Variants in RRBP1 observed in about 807,000 individuals in gnomAD.
RRBP1 encodes ribosome-binding protein 1.
RRBP1 carries 94 observed loss-of-function variants against 165.2 expected under a neutral mutation model. The ratio of observed to expected loss-of-function variants is 0.57; its 90% CI spans 0.48 to 0.68. The LOEUF is 0.68. Among genes scored for constraint, RRBP1 ranks in the 30% least tolerant of loss-of-function variants. The pLI is 0.00. For synonymous variants in RRBP1, 680 were observed against 714.5 expected (o/e 0.95, Z 0.77); for missense variants, 1,676 against 1,763.0 (o/e 0.95, Z 0.88).
At chr20:17,675,795 T>A (rs1363002507) in intron 2 of RRBP1, among the ~76,000 whole-genome samples, 1 of 152,182 alleles carries the variant, frequency 6.6e-6, no homozygotes, top group East Asian at 1.9e-4. Flanking sequence ...CTGGAGACCT[T>A]GACCAAGGAG....
Position 17,660,267 on chromosome 20 carries a change from C to T in RRBP1, c.241G>A (p.Gly81Arg). Residue 81 changes from glycine (G) to arginine (R), a missense_variant, in exon 3 of 25, where the codon GGG (glycine) becomes AGG (arginine). Around this residue, in one of 5 missense-constraint regions of RRBP1, gnomAD observed 392 missense variants for 382.5 expected, o/e 1.02. Transcript: ENST00000377813. ...KTKKKEEKPNGKIPDHDPAPN... is the reference protein window; with the variant it reads ...KTKKKEEKPNRKIPDHDPAPN... Reference sequence around the variant, plus strand: ...GCTGGATCATGATCAGGTATCTTCCCATTAGGTTTCTCTTCCTTTTTCTTG... The same window carrying T: ...GCTGGATCATGATCAGGTATCTTCCTATTAGGTTTCTCTTCCTTTTTCTTG... The T allele has an allele frequency of 3.1e-6, 5 of 1,608,400 alleles. No individual in the cohort carries two copies. The highest frequency in any genetic ancestry group is 4.2e-6 in the Non-Finnish European group (5 of 1,176,916).
intron 3 of RRBP1, among the ~76,000 whole-genome samples, chr20:17,655,603 G>A (rs2036632161): frequency 6.6e-6 from 1 of 152,090 alleles, no homozygotes; most frequent in Admixed American, 6.5e-5. Flanking sequence ...AGGCCCTTGG[G>A]GTGGTCCGAG....
Position 17,629,866 on chromosome 20 carries a change from C to T in RRBP1, c.2706G>A (p.Arg902=), listed in dbSNP as rs1229750068. The T allele has an allele frequency of 3.1e-6, 5 of 1,599,994 alleles. No homozygotes were observed. Among genetic ancestry groups the T allele is most frequent in the Admixed American group, 1.7e-5 (1 of 59,958 alleles). Residue 902 remains arginine, a synonymous_variant, in exon 9 of 25, where the codon CGG becomes CGA. Coordinates refer to ENST00000377813, the MANE Select transcript of RRBP1 (RefSeq NM_001365613.2). The part of the protein sequence containing the change: ...CHTQSSHASL[R]ADAEKAQEQQ... ...GCTCCTGGGCCTTCTCGGCATCCGC[C>T]CGGAGGCTGGCGTGGCTGCTCTGCG... is the stretch of plus-strand genomic sequence containing the variant.
intron 3 of RRBP1, among the ~76,000 whole-genome samples, chr20:17,644,621 C>G (rs1254500973): frequency 6.6e-6 from 1 of 152,202 alleles, no homozygotes; most frequent in East Asian, 1.9e-4. Context: ...CAGCCGGCGT[C>G]TAGCTGCTGG....
chr20:17,615,536 G>C lies in RRBP1; in HGVS notation c.3952-7C>G, dbSNP rs747718621. On this transcript the variant is annotated splice_polypyrimidine_tract_variant and splice_region_variant and intron_variant, in intron 22 of 24. Transcript: ENST00000377813. ...GACATGCCGAGGTCTGAGCCTTGCCGGAGAGGGAAGTGAGGTCTGGGTGAG... is the reference window on the plus strand; with the variant it reads ...GACATGCCGAGGTCTGAGCCTTGCCCGAGAGGGAAGTGAGGTCTGGGTGAG... The C allele has an allele frequency of 6.3e-7, 1 of 1,598,234 alleles. No homozygotes were observed. The highest frequency in any genetic ancestry group is 1.4e-5 in the African/African-American group (1 of 74,006).
At chr20:17,654,179 C>T (rs1192687894) in intron 3 of RRBP1, among the ~76,000 whole-genome samples, 1 of 152,190 alleles carries the variant, frequency 6.6e-6, no homozygotes, top group Non-Finnish European at 1.5e-5. Context: ...GGGCCGGCAC[C>T]CTCCCTTCAC....
Position 17,618,681 on chromosome 20 carries a change from T to C in RRBP1, c.3676-2A>G, listed in dbSNP as rs112901176. The C allele has an allele frequency of 4.3e-6, 7 of 1,613,042 alleles. No individual in the cohort carries two copies. The highest frequency in any genetic ancestry group is 1.3e-5 in the African/African-American group (1 of 74,874). On this transcript the variant is annotated splice_acceptor_variant, in intron 19 of 24. Coordinates refer to ENST00000377813, the MANE Select transcript of RRBP1 (RefSeq NM_001365613.2). LOFTEE classifies it high-confidence loss of function. ...AGATTCTAGGAGAAGTTGCCTCAGC[T>C]TGGGGAGAAAACAGAGGCGGGTGAT...
chr20:17,627,303 C>T (rs368685098), intron 11 of RRBP1, 45 bp downstream of exon 11: 64 of 1,604,742 alleles, frequency 4.0e-5, no homozygotes, highest in Non-Finnish European at 4.8e-5. Flanking sequence ...TTTGGTCCCC[C>T]GGGCTGAGGC....
chr20:17,626,519 C>G (rs1167691617), intron 11 of RRBP1, among the ~76,000 whole-genome samples: 1 of 152,188 alleles, frequency 6.6e-6, no homozygotes, highest in African/African-American at 2.4e-5. Flanking sequence ...GGAGGTGCTT[C>G]TTTGGTGACG....
In RRBP1 at chr20:17,621,902, C is replaced by G; in HGVS notation, c.3193G>C (p.Glu1065Gln). 6.2e-7 allele frequency: 1 copy of G among 1,613,912 alleles called. No homozygotes were observed. Among genetic ancestry groups the G allele is most frequent in the Middle Eastern group, 1.6e-4 (1 of 6,062 alleles). ...QLCLIEAQTMEALLALLPELS... is the reference protein window; with the variant it reads ...QLCLIEAQTMQALLALLPELS... ...TCTGGGAGCAGAGCCAGCAGGGCCT[C>G]CATGGTCTGCGCCTCAATCAGACAG... The change falls in exon 14 of 25, where the codon GAG becomes CAG. Residue 1065 changes from glutamate (E) to glutamine (Q), a missense_variant. This residue lies in a region of RRBP1 where 1,184 missense variants were observed against 1,167.1 expected (regional missense o/e 1.01). Transcript: ENST00000377813.
chr20:17,663,672 A>G (rs1306207974), intron 2 of RRBP1, among the ~76,000 whole-genome samples: 2 of 152,258 alleles, frequency 1.3e-5, no homozygotes, highest in Non-Finnish European at 2.9e-5. Flanking sequence ...AGGCGTAAAC[A>G]TCATGCTGGG....
intron 2 of RRBP1, among the ~76,000 whole-genome samples, chr20:17,677,882 A>C (rs1463696663): frequency 6.6e-6 from 1 of 152,204 alleles, no homozygotes; most frequent in Non-Finnish European, 1.5e-5. Flanking sequence ...AGTTATATGG[A>C]GAATAACAGA....
At position 17,621,539 on chromosome 20, in the gene RRBP1, GGC is replaced by G. The variant is rs1568754647; in HGVS notation, c.3331_3332del (p.Ala1111LeufsTer18). 1 of 1,612,474 alleles carries G rather than the reference GGC, an allele frequency of 6.2e-7. No individual in the cohort carries two copies. Reference sequence around the variant, plus strand: ...TCTCCTCGGCCTCCCTCAACTTGGAGGCCAGGTCCTGAGAGAGGGAAGAACAG... The same window carrying G: ...TCTCCTCGGCCTCCCTCAACTTGGAGCAGGTCCTGAGAGAGGGAAGAACAG... ...PAPAEPSSDL[A>X]SKLREAEETQ... On this transcript the variant is annotated frameshift_variant, in exon 16 of 25. Coordinates refer to ENST00000377813, the MANE Select transcript of RRBP1 (RefSeq NM_001365613.2). LOFTEE classifies it high-confidence loss of function.
At chr20:17,639,510 A>G (rs571947238) in intron 5 of RRBP1, among the ~76,000 whole-genome samples, 4 of 152,242 alleles carry the variant, frequency 2.6e-5, no homozygotes, top group Non-Finnish European at 5.9e-5. Context: ...GAGGGGGATT[A>G]AGGTAAGAGG....
rs768096329 is a variant in RRBP1, at chr20:17,627,523, C to T, written c.2909G>A (p.Arg970Gln). The T allele has an allele frequency of 7.0e-5, 113 of 1,611,060 alleles. 1 individual carries two copies. In the Middle Eastern group the frequency reaches 8.2e-4, roughly 12 times the overall value. ...IEALLEAGQA[R>Q]DAQDVQASQA... ...GCTGACCTGGACGTCCTGGGCATCC[C>T]GCGCCTGGCCCGCCTCCAGCAGGGC... The change falls in exon 10 of 25, where the codon CGG (arginine) becomes CAG (glutamine). Residue 970 changes from arginine (R) to glutamine (Q), a missense_variant. Arg to Gln is a conservative substitution (Grantham distance 43). This residue lies in a region of RRBP1 where 1,184 missense variants were observed against 1,167.1 expected (regional missense o/e 1.01). Coordinates refer to ENST00000377813, the MANE Select transcript of RRBP1 (RefSeq NM_001365613.2).
intron 3 of RRBP1, among the ~76,000 whole-genome samples, chr20:17,650,712 A>T (rs1463921468): frequency 1.3e-5 from 2 of 152,198 alleles, no homozygotes; most frequent in African/African-American, 4.8e-5. Context: ...GAATGTACAT[A>T]TGTACTTCCT....
chr20:17,637,434 T>G (rs2036268262), intron 5 of RRBP1, among the ~76,000 whole-genome samples: 4 of 151,814 alleles, frequency 2.6e-5, no homozygotes, highest in Non-Finnish European at 5.9e-5. Flanking sequence ...AAGGAAAGGT[T>G]GACACAATGA....
chr20:17,617,077 C>T (rs528866771), intron 20 of RRBP1, among the ~76,000 whole-genome samples: 5 of 152,198 alleles, frequency 3.3e-5, no homozygotes, highest in African/African-American at 7.2e-5. Context: ...CAAGCCCAAC[C>T]GGAGGGGAGC....
intron 2 of RRBP1, among the ~76,000 whole-genome samples, chr20:17,662,844 C>T (rs2036791406): frequency 6.6e-6 from 1 of 152,090 alleles, no homozygotes; most frequent in African/African-American, 2.4e-5. Context: ...TTTCTCAGAA[C>T]TCTGCCAAAA....
Sources: allele counts gnomAD v4.1 joint callset (sites outside exome capture counted in the v4.1 genomes callset), GRCh38; gene constraint gnomAD v4.1.1; regional missense constraint gnomAD v4.1.1; transcripts MANE v1.5; gene names NCBI Gene and HGNC (gene_info 2026-07-23, HGNC 2026-07-21).